The following KAT6A variants were observed in gnomAD, a reference collection of about 807,000 sequenced individuals.
The protein encoded by KAT6A is histone acetyltransferase KAT6A.
A neutral mutation model predicts 198.4 loss-of-function variants in KAT6A; 9 were observed. That is an observed-to-expected ratio of 0.05 (90% CI 0.03 to 0.08). The LOEUF (loss-of-function observed/expected upper bound fraction) is 0.08, where lower values mean the gene tolerates loss of function less well. Among genes scored for constraint, KAT6A ranks in the 10% least tolerant of loss-of-function variants. The probability of loss-of-function intolerance (pLI) is 1.00; values close to 1 mark genes in which losing one functional copy is unlikely to be tolerated. For synonymous variants in KAT6A, 890 were observed against 883.0 expected (o/e 1.01, Z -0.14); for missense variants, 2,077 against 2,509.9 (o/e 0.83, Z 3.69).
chr8:42,033,699 T>A (rs2150923366), intron 2 of KAT6A, among the ~76,000 whole-genome samples: 1 of 152,310 alleles, frequency 6.6e-6, no homozygotes, highest in Admixed American at 6.5e-5. Context: ...TCAGAGCACT[T>A]ATCACCATGT....
chr8:41,944,148 GCAGA>G (rs895153284), intron 12 of KAT6A, among the ~76,000 whole-genome samples, 169 bp from the exon 13 acceptor site: 2 of 150,990 alleles, frequency 1.3e-5, no homozygotes, highest in African/African-American at 4.9e-5. Context: ...AAACAAATCT[GCAGA>G]AAGAATACAT....
At chr8:41,935,538 A>C (rs1420047144) in intron 16 of KAT6A, among the ~76,000 whole-genome samples, 1 of 152,248 alleles carries the variant, frequency 6.6e-6, no homozygotes, top group Non-Finnish European at 1.5e-5. Flanking sequence ...ATTAGAAATA[A>C]ATTTTATATT....
chr8:42,018,343 C>G (rs1325890554), intron 2 of KAT6A, among the ~76,000 whole-genome samples: 1 of 152,020 alleles, frequency 6.6e-6, no homozygotes, highest in Non-Finnish European at 1.5e-5. Context: ...CAAACCCAGT[C>G]TCTACTAAAA....
chr8:41,937,702 ATAT>A lies in KAT6A; in HGVS notation c.3040-137_3040-135del, dbSNP rs1475286328. The A allele has an allele frequency of 2.3e-5, 15 of 651,550 alleles. No individual in the cohort carries two copies. In the African/African-American group the frequency reaches 2.7e-4, roughly 12 times the overall value. The allele number at this position is 651,550 out of a possible 1,614,324, so 40.4% of individuals were successfully genotyped here. Reference sequence around the variant, plus strand: ...TGTTGTTTGCCAAAAAATATTTTGAATATTATTTCAAAATACTATAGTAAGATA... The same window carrying A: ...TGTTGTTTGCCAAAAAATATTTTGAATATTTCAAAATACTATAGTAAGATA... On this transcript the variant is annotated intron_variant, in intron 15 of 16. Coordinates refer to ENST00000265713, the MANE Select transcript of KAT6A (RefSeq NM_006766.5).
chr8:42,039,208 C>A (rs926028383), intron 2 of KAT6A, among the ~76,000 whole-genome samples: 1 of 152,186 alleles, frequency 6.6e-6, no homozygotes, highest in Non-Finnish European at 1.5e-5. Context: ...TGTGAAATGA[C>A]TCCACCCCTG....
chr8:42,019,775 C>A (rs747785990), intron 2 of KAT6A, among the ~76,000 whole-genome samples: 55 of 152,286 alleles, frequency 3.6e-4, no homozygotes, highest in Middle Eastern at 6.8e-3. Context: ...CATACCTATA[C>A]TCAAATTCTA....
chr8:42,008,081 T>G (rs1587817778), intron 2 of KAT6A, among the ~76,000 whole-genome samples: 2 of 151,858 alleles, frequency 1.3e-5, no homozygotes, highest in Non-Finnish European at 1.5e-5. Flanking sequence ...GAAAAGATAC[T>G]AAGCATCAAG....
intron 2 of KAT6A, 118 bp from the exon 3 acceptor site, chr8:41,987,681 T>C: frequency 1.5e-6 from 1 of 685,350 alleles, no homozygotes; most frequent in South Asian, 1.9e-5. Context: ...ATTGTATTAC[T>C]CTCCTAAATT....
At chr8:41,939,814 C>T (rs1822017618) in intron 15 of KAT6A, among the ~76,000 whole-genome samples, 1 of 152,030 alleles carries the variant, frequency 6.6e-6, no homozygotes, top group South Asian at 2.1e-4. Flanking sequence ...AGAAAAAGGA[C>T]GTTAGGGAAA....
rs113195648 is a variant in KAT6A, at chr8:41,933,896, C to T, written c.4324G>A (p.Ala1442Thr). The T allele has an allele frequency of 0.01, 16,336 of 1,614,088 alleles. 103 individuals are homozygous for T. Among genetic ancestry groups the T allele is most frequent in the Non-Finnish European group, 0.012 (14,162 of 1,179,998 alleles). ...TQEESSEHEG[A>T]YQDCEETLAA... Reference sequence around the variant, plus strand: ...AGAGTTTCCTCACAGTCCTGGTAGGCGCCCTCATGCTCACTGCTTTCTTCT... The same window carrying T: ...AGAGTTTCCTCACAGTCCTGGTAGGTGCCCTCATGCTCACTGCTTTCTTCT... The change falls in exon 17 of 17, where the codon GCC (alanine) becomes ACC (threonine). Residue 1442 changes from alanine (A) to threonine (T), a missense_variant. By Grantham distance (58) the Ala-to-Thr change is moderately conservative. This residue lies in a region of KAT6A where 178 missense variants were observed against 220.8 expected (regional missense o/e 0.81). Coordinates refer to ENST00000265713, the MANE Select transcript of KAT6A (RefSeq NM_006766.5). The surrounding 1 kb of genome is among the most constrained non-coding windows in gnomAD (Gnocchi z 6.2).
chr8:41,990,500 C>T (rs1824880379), intron 2 of KAT6A, among the ~76,000 whole-genome samples: 1 of 152,102 alleles, frequency 6.6e-6, no homozygotes, highest in African/African-American at 2.4e-5. Context: ...GAACTTTTTA[C>T]ATTGCAGTAA....
intron 1 of KAT6A, among the ~76,000 whole-genome samples, chr8:42,050,651 G>C (rs1802567952): frequency 6.6e-6 from 1 of 152,228 alleles, no homozygotes. Context: ...ATTTGGTGAG[G>C]GTCTCAAGAG....
At chr8:42,022,749 TTA>T (rs2150916443) in intron 2 of KAT6A, among the ~76,000 whole-genome samples, 1 of 152,330 alleles carries the variant, frequency 6.6e-6, no homozygotes, top group South Asian at 2.1e-4. Flanking sequence ...AATGAGGTTA[TTA>T]ATGCAGCACT....
chr8:41,961,135 C>T (rs1823185108), intron 8 of KAT6A, among the ~76,000 whole-genome samples: 1 of 152,204 alleles, frequency 6.6e-6, no homozygotes. Flanking sequence ...ACACTGCTTA[C>T]TCCACCTTCA....
rs567235686 is a variant in KAT6A, at chr8:41,967,153, T to A, written c.1482+7551A>T. On this transcript the variant is annotated intron_variant, in intron 8 of 16. Coordinates refer to ENST00000265713, the MANE Select transcript of KAT6A (RefSeq NM_006766.5). Reference sequence around the variant, plus strand: ...GAATCAGAAAGCATTAAAATCTGTATGAAAATACAATGTGCTCTTTGATAT... The same window carrying A: ...GAATCAGAAAGCATTAAAATCTGTAAGAAAATACAATGTGCTCTTTGATAT... Among the ~76,000 whole-genome samples the A allele has an allele frequency of 3.3e-5, 5 of 152,246 alleles. No individual in the cohort carries two copies. The South Asian group carries it at 8.3e-4, about 25-fold the overall frequency.
Position 41,942,897 on chromosome 8 carries a change from G to C in KAT6A, c.2332C>G (p.Pro778Ala). ...DVDPECLRWT[P>A]VIVSNSVVSE... ...ACCACAGAGTTGGACACTATGACTG[G>C]AGTCCAGCGCAAACATTCTGGATCT... is the stretch of plus-strand genomic sequence containing the variant. Residue 778 changes from proline to alanine, a missense_variant, in exon 14 of 17, where the codon CCA (proline) becomes GCA (alanine). This residue lies in a region of KAT6A where 127 missense variants were observed against 209.6 expected (regional missense o/e 0.61). Coordinates refer to ENST00000265713, the MANE Select transcript of KAT6A (RefSeq NM_006766.5). 1 of 1,614,064 alleles carries C rather than the reference G, an allele frequency of 6.2e-7. No homozygotes were observed. Among genetic ancestry groups the C allele is most frequent in the Non-Finnish European group, 8.5e-7 (1 of 1,180,028 alleles).
At position 41,937,579 on chromosome 8, in the gene KAT6A, G is replaced by C. The variant is rs754744146; in HGVS notation, c.3040-11C>G. On this transcript the variant is annotated splice_polypyrimidine_tract_variant and intron_variant, in intron 15 of 16. Transcript: ENST00000265713. ...GTGGAGAAATGGTTTCTGTTTAATAGAGAAAGCAAGTATTTACAGTTATGA... is the reference window on the plus strand; with the variant it reads ...GTGGAGAAATGGTTTCTGTTTAATACAGAAAGCAAGTATTTACAGTTATGA... 7 of 1,589,970 alleles carry C rather than the reference G, an allele frequency of 4.4e-6. No homozygotes were observed. In the Admixed American group the frequency reaches 5.3e-5, roughly 12 times the overall value.
intron 12 of KAT6A, among the ~76,000 whole-genome samples, chr8:41,945,316 G>C (rs938577053): frequency 6.6e-6 from 1 of 150,694 alleles, no homozygotes; most frequent in Non-Finnish European, 1.5e-5. Context: ...CGTCACCCAG[G>C]CTAGAGTGCA....
intron 2 of KAT6A, among the ~76,000 whole-genome samples, chr8:41,999,163 A>G (rs1825366653): frequency 6.6e-6 from 1 of 152,162 alleles, no homozygotes; most frequent in Non-Finnish European, 1.5e-5. Flanking sequence ...AGATACTCTA[A>G]CAATCTTCTA....
Sources: gnomAD v4.1 joint callset for allele counts (sites outside exome capture counted in the v4.1 genomes callset) on GRCh38, gnomAD v4.1.1 for gene constraint, gnomAD v4.1.1 regional missense constraint, Gnocchi (gnomAD v3.1) non-coding constraint, MANE v1.5 for transcripts, NCBI Gene and HGNC (gene_info 2026-07-23, HGNC 2026-07-21) for gene names.